The following DOCK1 variants were observed in gnomAD, a reference collection of about 807,000 sequenced individuals.
The protein encoded by DOCK1 is dedicator of cytokinesis protein 1.
A neutral mutation model predicts 262.7 loss-of-function variants in DOCK1; 138 were observed. The observed-to-expected ratio is 0.53, with a 90% confidence interval of 0.46 to 0.61. The LOEUF (loss-of-function observed/expected upper bound fraction) is 0.61. Among genes scored for constraint, DOCK1 ranks in the 20% least tolerant of loss-of-function variants. The probability of loss-of-function intolerance (pLI) is 0.00; values close to 1 mark genes in which losing one functional copy is unlikely to be tolerated. For synonymous variants in DOCK1, 866 were observed against 867.4 expected, an observed-to-expected ratio of 1.00 and a Z score of 0.03; for missense variants, 1,908 against 2,370.7, an observed-to-expected ratio of 0.80 and a Z score of 4.05.
chr10:127,176,405 A>G lies in DOCK1; in HGVS notation c.2847+48641A>G, dbSNP rs1462194396. On this transcript the variant is annotated intron_variant, in intron 27 of 51. Transcript: ENST00000623213. The surrounding 1 kb of genome is among the most constrained non-coding windows in gnomAD (Gnocchi z 4.4). ...TGTCCTTACTGACCATGGTTCCTGC[A>G]TTCAGAAACAGCAACAGAGGTGTCA... 2 of 1,587,906 alleles carry G rather than the reference A, an allele frequency of 1.3e-6. No individual in the cohort carries two copies. The highest frequency in any genetic ancestry group is 1.1e-5 in the South Asian group (1 of 87,670).
chr10:127,058,655 T>A (rs1177506023), intron 22 of DOCK1, among the ~76,000 whole-genome samples: 10 of 152,042 alleles, frequency 6.6e-5, no homozygotes, highest in Admixed American at 6.5e-5. Context: ...TTAAACATAT[T>A]ATTTGAATAT....
intron 1 of DOCK1, among the ~76,000 whole-genome samples, chr10:126,918,716 C>T (rs911579565): frequency 1.3e-5 from 2 of 152,192 alleles, no homozygotes; most frequent in African/African-American, 4.8e-5. Flanking sequence ...TGCCAACTGT[C>T]CCGGGGGTAA....
chr10:127,065,200 G>A (rs1256732707), intron 23 of DOCK1, among the ~76,000 whole-genome samples: 4 of 152,020 alleles, frequency 2.6e-5, no homozygotes, highest in East Asian at 1.9e-4. Context: ...TAGTAGAGAC[G>A]GGGTTTCACC....
chr10:126,972,805 GA>G (rs987379944), intron 2 of DOCK1, among the ~76,000 whole-genome samples: 18 of 147,206 alleles, frequency 1.2e-4, no homozygotes, highest in South Asian at 6.8e-4. Flanking sequence ...AGTCCTGTCT[GA>G]AAAAAAAAAT....
chr10:127,074,985 C>A (rs1247534812), intron 23 of DOCK1, among the ~76,000 whole-genome samples: 1 of 151,826 alleles, frequency 6.6e-6, no homozygotes, highest in East Asian at 1.9e-4. Context: ...AACTGACCAA[C>A]ATGAAGAAAT....
At chr10:127,123,212 G>A (rs745352751) in intron 25 of DOCK1, among the ~76,000 whole-genome samples, 1 of 152,160 alleles carries the variant, frequency 6.6e-6, no homozygotes, top group Non-Finnish European at 1.5e-5. Context: ...CATTGTCAGG[G>A]GCTGTCATTA....
chr10:127,085,209 G>A (rs1029787399), intron 23 of DOCK1, among the ~76,000 whole-genome samples: 1 of 152,142 alleles, frequency 6.6e-6, no homozygotes, highest in African/African-American at 2.4e-5. Context: ...TTATGAACTA[G>A]TAGATATTAA....
intron 32 of DOCK1, among the ~76,000 whole-genome samples, chr10:127,356,757 G>C (rs2064166332): frequency 6.6e-6 from 1 of 152,096 alleles, no homozygotes; most frequent in South Asian, 2.1e-4. Flanking sequence ...TGCCACAGTT[G>C]GGCTCTCAGG....
intron 27 of DOCK1, among the ~76,000 whole-genome samples, chr10:127,191,980 A>G (rs2056788397): frequency 6.6e-6 from 1 of 152,244 alleles, no homozygotes; most frequent in African/African-American, 2.4e-5. Context: ...TTTCATGGCC[A>G]AAGCTAGATT....
At position 127,302,870 on chromosome 10, in the gene DOCK1, T is replaced by C. The variant is rs566379960; in HGVS notation, c.3045-36136T>C. Among the ~76,000 whole-genome samples the C allele has an allele frequency of 2.0e-5, 3 of 152,070 alleles. No homozygotes were observed. In the South Asian group the frequency reaches 6.3e-4, roughly 32 times the overall value. ...ATGAAATATGGACAGCAGACAGCCCTGTATGCAATGAAAATGCAGGTGCAT... is the reference window on the plus strand; with the variant it reads ...ATGAAATATGGACAGCAGACAGCCCCGTATGCAATGAAAATGCAGGTGCAT... On this transcript the variant is annotated intron_variant, in intron 29 of 51. Transcript: ENST00000623213.
At chr10:127,140,726 C>A (rs535584505) in intron 27 of DOCK1, among the ~76,000 whole-genome samples, 99 of 152,260 alleles carry the variant, frequency 6.5e-4, no homozygotes, top group African/African-American at 2.2e-3. Context: ...AGAAGGTTAA[C>A]GGTCTGGCCA....
At chr10:126,964,395 G>A (rs2037504761) in intron 1 of DOCK1, among the ~76,000 whole-genome samples, 3 of 152,342 alleles carry the variant, frequency 2.0e-5, no homozygotes, top group Non-Finnish European at 2.9e-5. Flanking sequence ...AGGCAAACGT[G>A]TAGGGTGTGT....
chr10:127,347,565 CAGCTTGG>C (rs1178344949), intron 31 of DOCK1, among the ~76,000 whole-genome samples: 6 of 151,960 alleles, frequency 3.9e-5, no homozygotes, highest in Non-Finnish European at 7.4e-5. Context: ...TGTAAGGGAG[CAGCTTGG>C]AGCTTGGGGC....
chr10:126,999,343 C>T lies in DOCK1; in HGVS notation c.768-11C>T, dbSNP rs1452989820. The T allele has an allele frequency of 1.2e-6, 2 of 1,609,004 alleles. No individual in the cohort carries two copies. Among genetic ancestry groups the T allele is most frequent in the South Asian group, 2.2e-5 (2 of 90,252 alleles). ...GAAAATTAACTTGCTTTTATTTCTC[C>T]ATTTTTCAAGTGAGAACTACCTGGT... is the stretch of plus-strand genomic sequence containing the variant. On this transcript the variant is annotated splice_polypyrimidine_tract_variant and intron_variant, in intron 8 of 51. Transcript: ENST00000623213.
chr10:127,159,836 G>C (rs1322668146), intron 27 of DOCK1, among the ~76,000 whole-genome samples: 5 of 152,160 alleles, frequency 3.3e-5, no homozygotes, highest in Non-Finnish European at 5.9e-5. Context: ...CTCAGCCTGA[G>C]AGCCGCACCA....
chr10:127,183,557 TG>T (rs1191845354), intron 27 of DOCK1, among the ~76,000 whole-genome samples: 3 of 152,194 alleles, frequency 2.0e-5, no homozygotes, highest in Non-Finnish European at 4.4e-5. Flanking sequence ...AACCTGCACT[TG>T]GGGTCCATGT....
At chr10:127,050,054 G>A (rs2044615121) in intron 21 of DOCK1, among the ~76,000 whole-genome samples, 1 of 147,344 alleles carries the variant, frequency 6.8e-6, no homozygotes, top group South Asian at 2.2e-4. Context: ...TTCATTGTAG[G>A]GATGTATTAC....
At chr10:127,389,137 G>GGCTC (rs1447986145) in intron 38 of DOCK1, among the ~76,000 whole-genome samples, 1 of 152,204 alleles carries the variant, frequency 6.6e-6, no homozygotes, top group Non-Finnish European at 1.5e-5. Context: ...TGAGAGAATG[G>GGCTC]GCTCCTGACC....
chr10:126,948,564 G>C (rs1043448892), intron 1 of DOCK1, among the ~76,000 whole-genome samples: 1 of 151,816 alleles, frequency 6.6e-6, no homozygotes, highest in African/African-American at 2.4e-5. Flanking sequence ...GGGTGGGGTC[G>C]GGATAGGCAC....
Sources: allele counts gnomAD v4.1 joint callset (sites outside exome capture counted in the v4.1 genomes callset), GRCh38; gene constraint gnomAD v4.1.1; non-coding constraint Gnocchi (gnomAD v3.1); transcripts MANE v1.5; gene names NCBI Gene and HGNC (gene_info 2026-07-23, HGNC 2026-07-21).